The following ROBO2 variants were observed in gnomAD, a reference collection of about 807,000 sequenced individuals.
The protein encoded by ROBO2 is roundabout homolog 2.
ROBO2 carries 53 observed loss-of-function variants against 160.8 expected under a neutral mutation model. The ratio of observed to expected loss-of-function variants is 0.33; its 90% CI spans 0.26 to 0.41. The LOEUF is 0.41. Among genes scored for constraint, ROBO2 ranks in the 10% least tolerant of loss-of-function variants. The pLI is 1.00. For missense variants in ROBO2, 1,577 were observed against 1,722.4 expected (o/e 0.92, Z 1.49); for synonymous variants, 664 against 611.7 (o/e 1.09, Z -1.26).
intron 2 of ROBO2, among the ~76,000 whole-genome samples, chr3:76,343,161 A>C (rs574715804): frequency 6.6e-6 from 1 of 152,182 alleles, no homozygotes; most frequent in East Asian, 1.9e-4. Flanking sequence ...TAATATTACA[A>C]ACCTCTACGT....
intron 5 of ROBO2, among the ~76,000 whole-genome samples, chr3:77,495,975 A>C (rs946912812): frequency 6.6e-6 from 1 of 152,244 alleles, no homozygotes; most frequent in African/African-American, 2.4e-5. Context: ...TGTTCTCTAA[A>C]TCTTGCCAAA....
intron 2 of ROBO2, among the ~76,000 whole-genome samples, chr3:76,907,819 T>A (rs2148909725): frequency 7.8e-6 from 1 of 127,810 alleles, no homozygotes; most frequent in African/African-American, 3.1e-5. Flanking sequence ...GTTTGTTTGT[T>A]TGGGGTGTGT....
chr3:76,086,601 G>A (rs1210309894), intron 2 of ROBO2, among the ~76,000 whole-genome samples: 2 of 152,112 alleles, frequency 1.3e-5, no homozygotes, highest in African/African-American at 4.8e-5. Flanking sequence ...ATTTACTGCA[G>A]TTCTGTTTAC....
intron 2 of ROBO2, among the ~76,000 whole-genome samples, chr3:76,945,939 C>T (rs1336400518): frequency 6.6e-6 from 1 of 152,058 alleles, no homozygotes; most frequent in Non-Finnish European, 1.5e-5. Flanking sequence ...TTTTTTGGAA[C>T]TCATTATGGG....
intron 2 of ROBO2, among the ~76,000 whole-genome samples, chr3:76,334,672 G>A (rs923341801): frequency 2.6e-5 from 4 of 152,164 alleles, no homozygotes; most frequent in Admixed American, 6.5e-5. Flanking sequence ...ACCCAGTAAA[G>A]GAGAACTATC....
intron 2 of ROBO2, among the ~76,000 whole-genome samples, chr3:76,418,393 A>G (rs1304068812): frequency 1.3e-5 from 2 of 152,240 alleles, no homozygotes; most frequent in African/African-American, 4.8e-5. Flanking sequence ...GGTGAATGCC[A>G]CCATATCCAG....
intron 2 of ROBO2, among the ~76,000 whole-genome samples, chr3:76,141,058 T>TAC (rs1343698878): frequency 4.6e-4 from 21 of 45,434 alleles, no homozygotes; most frequent in African/African-American, 1.4e-3. Flanking sequence ...TCTTTTTACA[T>TAC]ACATATATAT....
intron 2 of ROBO2, among the ~76,000 whole-genome samples, chr3:77,434,593 C>T (rs1043492170): frequency 1.3e-5 from 2 of 152,044 alleles, no homozygotes; most frequent in African/African-American, 4.8e-5. Flanking sequence ...ACTAAGTTTC[C>T]AATCTAGGCT....
At chr3:76,177,960 C>T (rs2073288966) in intron 2 of ROBO2, among the ~76,000 whole-genome samples, 1 of 152,024 alleles carries the variant, frequency 6.6e-6, no homozygotes, top group African/African-American at 2.4e-5. Flanking sequence ...TGTTGTGCTA[C>T]GTCTAAAGGT....
chr3:76,879,038 G>A (rs1159208178), intron 2 of ROBO2, among the ~76,000 whole-genome samples: 1 of 152,102 alleles, frequency 6.6e-6, no homozygotes, highest in Non-Finnish European at 1.5e-5. Context: ...TAAATTTGAA[G>A]TTAATTCATT....
intron 4 of ROBO2, among the ~76,000 whole-genome samples, chr3:77,483,060 T>C (rs2084894965): frequency 6.6e-6 from 1 of 152,176 alleles, no homozygotes; most frequent in Non-Finnish European, 1.5e-5. Flanking sequence ...AACTTCTAAA[T>C]TATTTTGAAA....
At chr3:77,082,232 A>G (rs891070302) in intron 1 of ROBO2, among the ~76,000 whole-genome samples, 2 of 152,188 alleles carry the variant, frequency 1.3e-5, no homozygotes, top group Non-Finnish European at 2.9e-5. Flanking sequence ...TGCTATTGTG[A>G]TAGTGATTAA....
chr3:76,768,298 C>T (rs1467773130), intron 2 of ROBO2, among the ~76,000 whole-genome samples: 2 of 151,368 alleles, frequency 1.3e-5, no homozygotes, highest in East Asian at 2.0e-4. Context: ...CTGCGGAAGA[C>T]AGTTTAGAAT....
At chr3:76,776,166 G>T (rs1194055952) in intron 2 of ROBO2, among the ~76,000 whole-genome samples, 5 of 150,824 alleles carry the variant, frequency 3.3e-5, no homozygotes, top group African/African-American at 1.2e-4. Context: ...CCAAAGAAAA[G>T]CATGCACATT....
intron 1 of ROBO2, among the ~76,000 whole-genome samples, chr3:75,918,992 A>G (rs1946921092): frequency 2.0e-5 from 3 of 152,120 alleles, no homozygotes; most frequent in African/African-American, 7.2e-5. Context: ...AACAGAGACA[A>G]TTTGATTTCC....
At chr3:76,762,012 GTTT>G (rs11364896) in intron 2 of ROBO2, among the ~76,000 whole-genome samples, 2 of 148,834 alleles carry the variant, frequency 1.3e-5, no homozygotes, top group African/African-American at 4.9e-5. Context: ...GAGAAAAACA[GTTT>G]TTTTTTTTCA....
intron 2 of ROBO2, among the ~76,000 whole-genome samples, chr3:76,367,455 G>T (rs1229509629): frequency 6.6e-6 from 1 of 151,874 alleles, no homozygotes; most frequent in Non-Finnish European, 1.5e-5. Context: ...CACATTGCGG[G>T]ATACTAGAGA....
chr3:77,204,901 C>A (rs901159004), intron 2 of ROBO2, among the ~76,000 whole-genome samples: 1 of 152,222 alleles, frequency 6.6e-6, no homozygotes, highest in Non-Finnish European at 1.5e-5. Flanking sequence ...TCCACTGATT[C>A]CCCTTGCGGG....
At chr3:77,524,489 A>T (rs115077084) in intron 6 of ROBO2, among the ~76,000 whole-genome samples, 6,443 of 151,450 alleles carry the variant, frequency 0.043, 436 homozygotes, top group African/African-American at 0.14. Flanking sequence ...ATGGAAAATA[A>T]TAATAAACAA....
Sources: gnomAD v4.1 joint callset for allele counts (sites outside exome capture counted in the v4.1 genomes callset) on GRCh38, gnomAD v4.1.1 for gene constraint, MANE v1.5 for transcripts, NCBI Gene and HGNC (gene_info 2026-07-23, HGNC 2026-07-21) for gene names.